The following CADPS2 variants were observed in gnomAD, a reference collection of about 807,000 sequenced individuals.
The protein encoded by CADPS2 is calcium-dependent secretion activator 2.
CADPS2 carries 93 observed loss-of-function variants against 172.5 expected under a neutral mutation model. The ratio of observed to expected loss-of-function variants is 0.54; its 90% confidence interval spans 0.46 to 0.64. The LOEUF (loss-of-function observed/expected upper bound fraction) is 0.64, where lower values mean the gene tolerates loss of function less well. Ranked by LOEUF, CADPS2 falls within the 30% of genes least tolerant of loss-of-function variation. The pLI is 0.00. For missense variants in CADPS2, 1,420 were observed against 1,565.9 expected (o/e 0.91, Z 1.57); for synonymous variants, 546 against 555.2 (o/e 0.98, Z 0.23).
At chr7:122,701,941 T>G (rs2086175458) in intron 2 of CADPS2, 1 of 1,613,546 alleles carries the variant, frequency 6.2e-7, no homozygotes, top group Non-Finnish European at 8.5e-7. Flanking sequence ...AAATGCGTAC[T>G]ACATCTTGGG....
At chr7:122,555,722 TTAATA>T (rs2064954828) in intron 7 of CADPS2, among the ~76,000 whole-genome samples, 1 of 152,140 alleles carries the variant, frequency 6.6e-6, no homozygotes, top group Non-Finnish European at 1.5e-5. Flanking sequence ...TAATTTTACT[TTAATA>T]TAACAAAACT....
chr7:122,754,595 G>A (rs2093082651), intron 1 of CADPS2, among the ~76,000 whole-genome samples: 1 of 152,084 alleles, frequency 6.6e-6, no homozygotes, highest in Non-Finnish European at 1.5e-5. Flanking sequence ...TCCTGCCTCA[G>A]CCTCCTGAGT....
At chr7:122,443,758 C>A (rs1472890972) in intron 15 of CADPS2, among the ~76,000 whole-genome samples, 1 of 120,450 alleles carries the variant, frequency 8.3e-6, no homozygotes, top group Admixed American at 9.3e-5. Flanking sequence ...TTAGCTGATT[C>A]TTTTGGTATT....
intron 9 of CADPS2, among the ~76,000 whole-genome samples, chr7:122,510,409 C>T (rs2059925410): frequency 6.6e-6 from 1 of 152,130 alleles, no homozygotes. Flanking sequence ...ATTTTCCCAC[C>T]TTTTGACTCC....
chr7:122,578,455 A>C (rs1435251691), intron 7 of CADPS2, among the ~76,000 whole-genome samples: 1 of 152,152 alleles, frequency 6.6e-6, no homozygotes, highest in African/African-American at 2.4e-5. Context: ...GACAGAAGTC[A>C]GTTCATGTAG....
chr7:122,604,214 A>G (rs903373202), intron 6 of CADPS2, among the ~76,000 whole-genome samples: 2 of 152,130 alleles, frequency 1.3e-5, no homozygotes, highest in African/African-American at 4.8e-5. Context: ...AGAGCTATGC[A>G]ACTAGGTTTC....
intron 1 of CADPS2, among the ~76,000 whole-genome samples, chr7:122,864,241 T>C (rs1415745662): frequency 6.6e-6 from 1 of 152,144 alleles, no homozygotes; most frequent in Non-Finnish European, 1.5e-5. Flanking sequence ...AGAGTCATAA[T>C]ATGATTGCTA....
At chr7:122,445,484 A>G (rs2052041701) in intron 15 of CADPS2, among the ~76,000 whole-genome samples, 1 of 151,982 alleles carries the variant, frequency 6.6e-6, no homozygotes, top group Admixed American at 6.6e-5. Flanking sequence ...TTTAATTTCA[A>G]TTTCTGATTG....
chr7:122,617,357 A>G (rs1344476090), intron 5 of CADPS2, among the ~76,000 whole-genome samples: 3 of 152,198 alleles, frequency 2.0e-5, no homozygotes, highest in African/African-American at 7.2e-5. Context: ...GGCCTTAATA[A>G]TTAGTGATAA....
chr7:122,372,546 T>C (rs193259053), intron 25 of CADPS2, among the ~76,000 whole-genome samples: 37 of 152,296 alleles, frequency 2.4e-4, no homozygotes, highest in African/African-American at 8.4e-4. Context: ...AAAGGTAGCC[T>C]TGAAGAGGAG....
At chr7:122,773,881 G>A (rs117316961) in intron 1 of CADPS2, among the ~76,000 whole-genome samples, 351 of 152,084 alleles carry the variant, frequency 2.3e-3, no homozygotes, top group Admixed American at 3.7e-3. Flanking sequence ...TTTGTTCCCT[G>A]ATGTTTGGCA....
chr7:122,525,219 GC>G (rs1201686782), intron 8 of CADPS2, among the ~76,000 whole-genome samples: 6 of 152,070 alleles, frequency 3.9e-5, no homozygotes, highest in Admixed American at 6.6e-5. Context: ...TTCCTGAAAG[GC>G]CTCTTCTTCT....
intron 4 of CADPS2, among the ~76,000 whole-genome samples, chr7:122,625,783 C>CCA (rs373750217): frequency 0.035 from 5,271 of 151,562 alleles, 267 homozygotes; most frequent in African/African-American, 0.12. Context: ...CCCTGCCCTC[C>CCA]CACACACACA....
chr7:122,835,136 T>C (rs1807956795), intron 1 of CADPS2, among the ~76,000 whole-genome samples: 2 of 152,196 alleles, frequency 1.3e-5, no homozygotes, highest in Admixed American at 1.3e-4. Flanking sequence ...CAATATTCGA[T>C]GTTCTGCAGC....
intron 3 of CADPS2, among the ~76,000 whole-genome samples, chr7:122,658,217 A>G (rs369136385): frequency 3.9e-5 from 6 of 152,100 alleles, no homozygotes; most frequent in African/African-American, 9.7e-5. Flanking sequence ...TTAGAATGGC[A>G]ATCATTAAAA....
chr7:122,786,950 T>A (rs1163425175), intron 1 of CADPS2, among the ~76,000 whole-genome samples: 1 of 152,182 alleles, frequency 6.6e-6, no homozygotes, highest in Non-Finnish European at 1.5e-5. Flanking sequence ...GTAGCATTTC[T>A]CACAGCTACA....
chr7:122,592,830 C>T lies in CADPS2; in HGVS notation c.1224-11540G>A, dbSNP rs113398207. 4.2e-3 allele frequency among the ~76,000 whole-genome samples: 618 copies of T among 148,664 alleles called. 6 individuals carry two copies. Among genetic ancestry groups the T allele is most frequent in the African/African-American group, 0.015 (587 of 40,000 alleles). On this transcript the variant is annotated intron_variant, in intron 6 of 29. Coordinates refer to ENST00000449022, the MANE Select transcript of CADPS2 (RefSeq NM_017954.11). ...GGGTGGGGAACATCACACACTGGGGCCTTCCAGGGGGATGGGGGGAGGGGG... is the reference window on the plus strand; with the variant it reads ...GGGTGGGGAACATCACACACTGGGGTCTTCCAGGGGGATGGGGGGAGGGGG...
chr7:122,684,116 T>C (rs1042877343), intron 2 of CADPS2, among the ~76,000 whole-genome samples: 6 of 152,172 alleles, frequency 3.9e-5, no homozygotes, highest in Non-Finnish European at 8.8e-5. Flanking sequence ...ATTAGAAGTG[T>C]TTTGGTTTTT....
intron 19 of CADPS2, among the ~76,000 whole-genome samples, chr7:122,411,184 T>C (rs962764912): frequency 1.3e-5 from 2 of 151,900 alleles, no homozygotes; most frequent in Non-Finnish European, 2.9e-5. Context: ...TTTCTTTATA[T>C]CTTTTCTACT....
Sources: allele counts gnomAD v4.1 joint callset (sites outside exome capture counted in the v4.1 genomes callset), GRCh38; gene constraint gnomAD v4.1.1; transcripts MANE v1.5; gene names NCBI Gene and HGNC (gene_info 2026-07-23, HGNC 2026-07-21).